Variants in MARCHF10 observed in about 807,000 individuals in gnomAD.
The protein encoded by MARCHF10 is membrane associated ring-CH-type finger 10.
MARCHF10 carries 64 observed loss-of-function variants against 76.2 expected under a neutral mutation model. That is an observed-to-expected ratio of 0.84 (90% CI 0.69 to 1.03). The LOEUF (loss-of-function observed/expected upper bound fraction) is 1.03, where lower values mean the gene tolerates loss of function less well. Ranked by LOEUF, MARCHF10 falls within the 50% of genes least tolerant of loss-of-function variation. The pLI is 0.00. For synonymous variants in MARCHF10, 340 were observed against 357.5 expected, an observed-to-expected ratio of 0.95 and a Z score of 0.55; for missense variants, 875 against 958.0, an observed-to-expected ratio of 0.91 and a Z score of 1.14.
At chr17:62,765,475 C>T (rs1430531268) in intron 3 of MARCHF10, among the ~76,000 whole-genome samples, 3 of 151,880 alleles carry the variant, frequency 2.0e-5, no homozygotes, top group African/African-American at 7.3e-5. Context: ...TGCCTACAGG[C>T]TTCTCTCGGA....
chr17:62,789,802 C>T (rs914693685), intron 2 of MARCHF10, among the ~76,000 whole-genome samples: 8 of 152,030 alleles, frequency 5.3e-5, no homozygotes, highest in Admixed American at 2.0e-4. Flanking sequence ...GTTGTGGTGG[C>T]ACATGCCTGT....
rs79571455 is a variant in MARCHF10 at position 62,737,402 on chromosome 17, G to A, written c.536-70C>T. 2.2e-4 allele frequency: 323 copies of A among 1,443,948 alleles called. 1 individual carries two copies. In the African/African-American group the frequency reaches 4.4e-3, roughly 20 times the overall value. The allele number at this position is 1,443,948 out of a possible 1,614,324, so 89.4% of individuals were successfully genotyped here. A position where few individuals can be genotyped will look rare whatever the true frequency, so the allele number is the denominator to read the frequency against. The stretch of plus-strand genomic sequence containing the variant: ...ATGGATGAAAGGCCTCTAGCACCAA[G>A]TGCAAAATTGCCCTTTAAATGCAAC... On this transcript the variant is annotated intron_variant, in intron 5 of 10. Coordinates refer to ENST00000311269, the MANE Select transcript of MARCHF10 (RefSeq NM_152598.4).
intron 6 of MARCHF10, among the ~76,000 whole-genome samples, chr17:62,734,922 AT>A (rs748048636): frequency 1.3e-5 from 2 of 152,184 alleles, no homozygotes; most frequent in African/African-American, 4.8e-5. Context: ...CTGAAGCTGT[AT>A]TTCTGGGGAG....
intron 3 of MARCHF10, among the ~76,000 whole-genome samples, chr17:62,779,069 T>C (rs2092607187): frequency 6.6e-6 from 1 of 152,152 alleles, no homozygotes; most frequent in Admixed American, 6.5e-5. Flanking sequence ...TGACGTGCGT[T>C]TCAGGCTCCA....
intron 8 of MARCHF10, among the ~76,000 whole-genome samples, chr17:62,719,539 C>A (rs115558043): frequency 1.3e-3 from 192 of 151,794 alleles, no homozygotes; most frequent in African/African-American, 4.5e-3. Flanking sequence ...GTGTTTTTCC[C>A]CTTTGGCCTC....
Position 62,770,543 on chromosome 17 carries a change from C to CTTT in MARCHF10, c.211-10540_211-10538dup, listed in dbSNP as rs35664995. Among the ~76,000 whole-genome samples, 243 of 136,500 alleles carry CTTT rather than the reference C, an allele frequency of 1.8e-3. 8 individuals carry two copies. Among genetic ancestry groups the CTTT allele is most frequent in the South Asian group, 4.6e-3 (20 of 4,368 alleles). 89.5% of individuals were successfully genotyped at this position (136,500 alleles called of 152,430 possible). On this transcript the variant is annotated intron_variant, in intron 3 of 10. Coordinates refer to ENST00000311269, the MANE Select transcript of MARCHF10 (RefSeq NM_152598.4). ...CTTGCCAGCATCTATTGTATTTTGA[C>CTTT]TTTTTTTTTTTTTTTTGAGACAGAG...
chr17:62,723,067 T>C (rs1470209757), intron 7 of MARCHF10, among the ~76,000 whole-genome samples: 1 of 151,588 alleles, frequency 6.6e-6, no homozygotes, highest in Non-Finnish European at 1.5e-5. Flanking sequence ...CCTTTACTCC[T>C]GCCCAGGTAA....
chr17:62,747,119 T>G, intron 4 of MARCHF10: 3 of 656,534 alleles, frequency 4.6e-6, no homozygotes, highest in Non-Finnish European at 7.9e-6. Context: ...TCTCAGCCAG[T>G]CTACACGTTG....
chr17:62,778,581 T>C lies in MARCHF10; in HGVS notation c.210+9899A>G, dbSNP rs540389747. Among the ~76,000 whole-genome samples, 147 of 151,072 alleles carry C rather than the reference T, an allele frequency of 9.7e-4. 1 individual carries two copies. The highest frequency in any genetic ancestry group is 3.5e-3 in the African/African-American group (144 of 41,052). ...CTCTGTCTTTACTAAAAACACAAAATTAGCCGGGCATCATGGCGCACGCCT... is the reference window on the plus strand; with the variant it reads ...CTCTGTCTTTACTAAAAACACAAAACTAGCCGGGCATCATGGCGCACGCCT... On this transcript the variant is annotated intron_variant, in intron 3 of 10. Transcript: ENST00000311269.
chr17:62,737,137 C>T lies in MARCHF10; in HGVS notation c.731G>A (p.Ser244Asn). Residue 244 changes from serine (S) to asparagine (N), a missense_variant, in exon 6 of 11, where the codon AGT becomes AAT. Ser to Asn is a conservative substitution (Grantham distance 46). Transcript: ENST00000311269. ...CGAGAACTCACTCAATACTTGAGGA[C>T]TATTTTTTCCTTGGAAGGCCTGGGA... ...ALSQAFQGKN[S>N]PQVLSEFSGP... 1.9e-6 allele frequency: 3 copies of T among 1,614,054 alleles called. No individual in the cohort carries two copies. Among genetic ancestry groups the T allele is most frequent in the Non-Finnish European group, 2.5e-6 (3 of 1,180,016 alleles).
At chr17:62,759,499 G>T (rs2092135675) in intron 4 of MARCHF10, among the ~76,000 whole-genome samples, 1 of 152,138 alleles carries the variant, frequency 6.6e-6, no homozygotes, top group Non-Finnish European at 1.5e-5. Flanking sequence ...TTATTTTTGA[G>T]GCGGGGTCTT....
At chr17:62,777,093 G>A (rs2092566506) in intron 3 of MARCHF10, among the ~76,000 whole-genome samples, 1 of 152,196 alleles carries the variant, frequency 6.6e-6, no homozygotes, top group Non-Finnish European at 1.5e-5. Flanking sequence ...TCCACTCCAA[G>A]TCACATTATC....
chr17:62,705,510 A>G (rs200241500), intron 10 of MARCHF10, 29 bp downstream of exon 10: 26 of 1,614,106 alleles, frequency 1.6e-5, no homozygotes, highest in Non-Finnish European at 2.2e-5. Flanking sequence ...AACACCCTCA[A>G]AATGGCAGGA....
chr17:62,745,250 C>A (rs2091663267), intron 4 of MARCHF10, among the ~76,000 whole-genome samples: 1 of 151,554 alleles, frequency 6.6e-6, no homozygotes, highest in Non-Finnish European at 1.5e-5. Flanking sequence ...ATTATAGGTG[C>A]CTGCCACCAT....
chr17:62,750,778 T>A (rs1411824209), intron 4 of MARCHF10, among the ~76,000 whole-genome samples: 1 of 152,168 alleles, frequency 6.6e-6, no homozygotes, highest in Non-Finnish European at 1.5e-5. Context: ...CTGACAGATG[T>A]CGGGAAGTTC....
In MARCHF10 at chr17:62,711,250, T is replaced by C. The variant is rs756674782; in HGVS notation, c.2309A>G (p.Asn770Ser). 4 of 1,613,936 alleles carry C rather than the reference T, an allele frequency of 2.5e-6. No individual in the cohort carries two copies. The South Asian group carries it at 3.3e-5, about 13-fold the overall frequency. Residue 770 changes from asparagine (N) to serine (S), a missense_variant, in exon 9 of 11, where the codon AAC (asparagine) becomes AGC (serine). Asn to Ser is a conservative substitution (Grantham distance 46). Coordinates refer to ENST00000311269, the MANE Select transcript of MARCHF10 (RefSeq NM_152598.4). This position sits in a 1 kb window ranked among gnomAD's most constrained non-coding sequence, Gnocchi z 4.4. ...ACTTACCCTCTCTCTTTCCACCTGG[T>C]TGTGGTTGAGCCTCATGAGTTCTGC... is the stretch of plus-strand genomic sequence containing the variant. Reference protein sequence around the residue: ...RFAELMRLNHNQVERERLSRN... With the variant: ...RFAELMRLNHSQVERERLSRN...
intron 10 of MARCHF10, 134 bp from the exon 11 acceptor site, chr17:62,701,892 TGGAACC>T (rs2089261037): frequency 3.5e-6 from 4 of 1,140,952 alleles, no homozygotes; most frequent in Non-Finnish European, 5.1e-6. Flanking sequence ...CCACAGTGCC[TGGAACC>T]GTGTGGGGAA....
intron 4 of MARCHF10, chr17:62,746,843 T>A: frequency 6.7e-7 from 1 of 1,497,832 alleles, no homozygotes; most frequent in Middle Eastern, 1.7e-4. Flanking sequence ...CAGAGGCCAC[T>A]GAGCCCCGCC....
In MARCHF10 at chr17:62,724,845, G is replaced by C. The variant is rs2090671559; in HGVS notation, c.2104+93C>G. 3.6e-6 allele frequency: 5 copies of C among 1,381,088 alleles called. No homozygotes were observed. In the South Asian group the frequency reaches 6.3e-5, roughly 17 times the overall value. The allele number at this position is 1,381,088 out of a possible 1,614,324, so 85.6% of individuals were successfully genotyped here. On this transcript the variant is annotated intron_variant, in intron 7 of 10. Transcript: ENST00000311269. ...CTGAGTCGCTGTTCTGCGGAGGAGA[G>C]TGAGCTGATGACAAGGCTCCGGGGC... is the stretch of plus-strand genomic sequence containing the variant.
Sources: gnomAD v4.1 joint callset for allele counts (sites outside exome capture counted in the v4.1 genomes callset) on GRCh38, gnomAD v4.1.1 for gene constraint, Gnocchi (gnomAD v3.1) non-coding constraint, MANE v1.5 for transcripts, NCBI Gene and HGNC (gene_info 2026-07-23, HGNC 2026-07-21) for gene names.